Variants in HSPG2 observed in about 807,000 individuals in gnomAD.
HSPG2 encodes basement membrane-specific heparan sulfate proteoglycan core protein.
In HSPG2, 278 loss-of-function variants were observed where a neutral mutation model predicts 526.6. The ratio of observed to expected loss-of-function variants is 0.53; its 90% CI spans 0.48 to 0.58. The LOEUF (loss-of-function observed/expected upper bound fraction) is 0.58, where lower values mean the gene tolerates loss of function less well. HSPG2 is among the 20% of genes least tolerant of loss of function. HSPG2 has a pLI of 0.00. For missense variants in HSPG2, 5,354 were observed against 6,099.5 expected, an observed-to-expected ratio of 0.88 and a Z score of 4.07; for synonymous variants, 2,465 against 2,555.4, an observed-to-expected ratio of 0.96 and a Z score of 1.07.
chr1:21,911,437 G>A (rs1643676273), intron 1 of HSPG2, among the ~76,000 whole-genome samples: 1 of 140,480 alleles, frequency 7.1e-6, no homozygotes, highest in Non-Finnish European at 1.6e-5. Context: ...AGGCCTCAGG[G>A]CCAAGGGCCC....
intron 80 of HSPG2, chr1:21,832,947 G>T (rs1316587684): frequency 5.4e-6 from 3 of 557,072 alleles, no homozygotes; most frequent in Non-Finnish European, 6.5e-6. Flanking sequence ...AGGAGGAAAG[G>T]GTGAGATGGA....
In HSPG2 at chr1:21,832,524, G is replaced by A. The variant is rs770645123; in HGVS notation, c.11178C>T (p.Phe3726=). ...LANRQPDFIS[F]GLVGGRPEFR... ...ACTCGGGCCTTCCCCCCACGAGGCC[G>A]AAGGAGATGAAGTCGGGCTGCCGGT... is the stretch of plus-strand genomic sequence containing the variant. The change falls in exon 81 of 97, where the codon TTC becomes TTT. Residue 3726 remains phenylalanine (F), a synonymous_variant. Transcript: ENST00000374695. 19 of 1,614,188 alleles carry A rather than the reference G, an allele frequency of 1.2e-5. No homozygotes were observed. The highest frequency in any genetic ancestry group is 6.6e-5 in the South Asian group (6 of 91,090).
intron 33 of HSPG2, chr1:21,870,166 T>C: frequency 1.2e-6 from 1 of 850,736 alleles, no homozygotes; most frequent in Non-Finnish European, 1.4e-6. Context: ...TCTGGTCTCC[T>C]CGCTGTGGCC....
intron 1 of HSPG2, among the ~76,000 whole-genome samples, chr1:21,918,037 T>C (rs1643930040): frequency 6.6e-6 from 1 of 152,148 alleles, no homozygotes. Flanking sequence ...ATACTTACTA[T>C]GTTGAACTGA....
chr1:21,936,921 GCCAGCCCCGCCC>G (rs1644503056), intron 1 of HSPG2, among the ~76,000 whole-genome samples: 9 of 152,286 alleles, frequency 5.9e-5, no homozygotes, highest in Middle Eastern at 6.8e-3. Flanking sequence ...TCCCACACGG[GCCAGCCCCGCCC>G]CCAGCCCCAC....
At position 21,847,499 on chromosome 1, in the gene HSPG2, G is replaced by T. The variant is rs757275259; in HGVS notation, c.8026-7C>A. On this transcript the variant is annotated splice_polypyrimidine_tract_variant and splice_region_variant and intron_variant, in intron 61 of 96. Transcript: ENST00000374695. This position sits in a 1 kb window ranked among gnomAD's most constrained non-coding sequence, Gnocchi z 4.1. ...GCAGGTGGGAGCCATGGGTCTGGACGTGCGGATGGGGAAGGAGAGGGAGAG... is the reference window on the plus strand; with the variant it reads ...GCAGGTGGGAGCCATGGGTCTGGACTTGCGGATGGGGAAGGAGAGGGAGAG... 1 of 1,613,734 alleles carries T rather than the reference G, an allele frequency of 6.2e-7. No homozygotes were observed. Among genetic ancestry groups the T allele is most frequent in the African/African-American group, 1.3e-5 (1 of 74,950 alleles).
intron 55 of HSPG2, 195 bp downstream of exon 55, chr1:21,851,351 G>C (rs1638879917): frequency 2.9e-6 from 2 of 701,010 alleles, no homozygotes; most frequent in Non-Finnish European, 4.8e-6. Context: ...GAGGTCACAA[G>C]CTAAGTGGTG....
At position 21,847,635 on chromosome 1, in the gene HSPG2, G is replaced by C; in HGVS notation, c.8025+54C>G. On this transcript the variant is annotated intron_variant, in intron 61 of 96. Coordinates refer to ENST00000374695, the MANE Select transcript of HSPG2 (RefSeq NM_005529.7). This position sits in a 1 kb window ranked among gnomAD's most constrained non-coding sequence, Gnocchi z 4.1. ...ATCCGTGAGACAGGGAGCCTGCTCT[G>C]CTCACCCCAGGAGACCATGGTTCCA... The C allele has an allele frequency of 6.2e-7, 1 of 1,602,190 alleles. No homozygotes were observed. Among genetic ancestry groups the C allele is most frequent in the Non-Finnish European group, 8.5e-7 (1 of 1,174,126 alleles).
intron 30 of HSPG2, 128 bp from the exon 31 acceptor site, chr1:21,873,219 C>A: frequency 8.7e-7 from 1 of 1,144,930 alleles, no homozygotes. Flanking sequence ...CTCACGACAG[C>A]CCTCGGAGGT....
In HSPG2 at chr1:21,887,186, G is replaced by T; in HGVS notation, c.1078+29C>A. 1.9e-6 allele frequency: 3 copies of T among 1,612,746 alleles called. 1 individual carries two copies. ...AGCAAGCGGCCTGGGCAGGGCAAGG[G>T]GGCCTCAGCTGGACCCTCGGATACT... On this transcript the variant is annotated intron_variant, in intron 9 of 96. Transcript: ENST00000374695. This position sits in a 1 kb window ranked among gnomAD's most constrained non-coding sequence, Gnocchi z 5.0.
chr1:21,918,299 T>G (rs978819431), intron 1 of HSPG2, among the ~76,000 whole-genome samples: 1 of 152,124 alleles, frequency 6.6e-6, no homozygotes, highest in Non-Finnish European at 1.5e-5. Context: ...ACCCTGTCTC[T>G]ACTAAAAATA....
chr1:21,841,852 C>G (rs1002482466), intron 69 of HSPG2, 150 bp downstream of exon 69: 124 of 1,308,014 alleles, frequency 9.5e-5, no homozygotes, highest in Non-Finnish European at 1.3e-4. Context: ...GGGTCCAGCG[C>G]TCTTGCCATA....
At chr1:21,844,099 G>A (rs1638228418) in intron 65 of HSPG2, 49 bp downstream of exon 65, 20 of 1,604,924 alleles carry the variant, frequency 1.2e-5, no homozygotes, top group Non-Finnish European at 1.5e-5. Context: ...ATTCAGGCAG[G>A]ACCACTGCAG....
chr1:21,915,629 A>C (rs767879930), intron 1 of HSPG2, among the ~76,000 whole-genome samples: 1 of 152,224 alleles, frequency 6.6e-6, no homozygotes, highest in Non-Finnish European at 1.5e-5. Context: ...TCCTTCCAGC[A>C]ATACCCAGCA....
rs573577644 is a variant in HSPG2, at chr1:21,865,623, G to A, written c.4314+94C>T. On this transcript the variant is annotated intron_variant, in intron 34 of 96. Transcript: ENST00000374695. The surrounding 1 kb of genome is among the most constrained non-coding windows in gnomAD (Gnocchi z 5.4). ...CCCCCAGCCTGTGCCAGAAAACTGA[G>A]TGCTGGATGGAAAGGACAAAGGACA... The A allele has an allele frequency of 1.8e-6, 2 of 1,118,300 alleles. No homozygotes were observed. Among genetic ancestry groups the A allele is most frequent in the East Asian group, 4.7e-5 (2 of 42,664 alleles). 69.3% of individuals were successfully genotyped at this position (1,118,300 alleles called of 1,614,324 possible).
chr1:21,831,310 G>C lies in HSPG2; in HGVS notation c.11467C>G (p.Leu3823Val), dbSNP rs762914376. The stretch of plus-strand genomic sequence containing the variant: ...ACGATCTCCTCGCCCTGGATGCGCA[G>C]CTCCCGGACACAGCCTGGGAGGTGA... ...SSGFIGCVRE[L>V]RIQGEEIVFH... The change falls in exon 84 of 97, where the codon CTG (leucine) becomes GTG (valine). Residue 3823 changes from leucine (L) to valine (V), a missense_variant. Physicochemically the swap from Leu to Val is conservative, Grantham distance 32 (BLOSUM62 1). Transcript: ENST00000374695. 7 of 1,613,854 alleles carry C rather than the reference G, an allele frequency of 4.3e-6. No homozygotes were observed. The highest frequency in any genetic ancestry group is 5.9e-6 in the Non-Finnish European group (7 of 1,179,864).
intron 1 of HSPG2, chr1:21,907,972 T>A (rs1245728589): frequency 1.8e-6 from 1 of 571,084 alleles, no homozygotes; most frequent in Non-Finnish European, 3.2e-6. Flanking sequence ...AATATCTATC[T>A]CATACGGCTG....
chr1:21,854,448 A>AGCCAT, intron 49 of HSPG2, 105 bp from the exon 50 acceptor site: 1 of 1,487,800 alleles, frequency 6.7e-7, no homozygotes, highest in Non-Finnish European at 9.1e-7. Flanking sequence ...CTCTGCTCCG[A>AGCCAT]GCCATCCCAT....
At chr1:21,908,227 G>T in intron 1 of HSPG2, 1 of 949,686 alleles carries the variant, frequency 1.1e-6, no homozygotes, top group Non-Finnish European at 1.7e-6. Context: ...AGACATCAAG[G>T]GAATGGGTAC....
Sources: allele counts gnomAD v4.1 joint callset (sites outside exome capture counted in the v4.1 genomes callset), GRCh38; gene constraint gnomAD v4.1.1; non-coding constraint Gnocchi (gnomAD v3.1); transcripts MANE v1.5; gene names NCBI Gene and HGNC (gene_info 2026-07-23, HGNC 2026-07-21).